Variants in LDB2 observed in about 807,000 individuals in gnomAD.
LDB2 encodes LIM domain-binding protein 2.
In LDB2, 12 loss-of-function variants were observed where a neutral mutation model predicts 44.3. The observed-to-expected ratio is 0.27, with a 90% CI of 0.17 to 0.44. LDB2 has a LOEUF of 0.44. Ranked by LOEUF, LDB2 falls within the 20% of genes least tolerant of loss-of-function variation. The pLI is 1.00. For missense variants in LDB2, 344 were observed against 473.5 expected, an observed-to-expected ratio of 0.73 and a Z score of 2.54; for synonymous variants, 164 against 174.8, an observed-to-expected ratio of 0.94 and a Z score of 0.49.
intron 2 of LDB2, among the ~76,000 whole-genome samples, chr4:16,660,929 G>C (rs931069663): frequency 6.6e-6 from 1 of 152,158 alleles, no homozygotes; most frequent in Admixed American, 6.6e-5. Context: ...CAGGAATATA[G>C]GCATTGTCCT....
At chr4:16,785,916 T>C (rs1261639235) in intron 1 of LDB2, among the ~76,000 whole-genome samples, 6 of 152,086 alleles carry the variant, frequency 3.9e-5, no homozygotes, top group Non-Finnish European at 7.4e-5. Flanking sequence ...CCTCCTTAAG[T>C]TTTGAAAGCA....
At chr4:16,628,785 GA>G (rs1409023785) in intron 2 of LDB2, among the ~76,000 whole-genome samples, 7 of 152,294 alleles carry the variant, frequency 4.6e-5, no homozygotes, top group Admixed American at 1.3e-4. Flanking sequence ...AGGGTGAGCC[GA>G]AGAAGGGTGG....
At chr4:16,829,142 A>G (rs992027365) in intron 1 of LDB2, among the ~76,000 whole-genome samples, 12 of 152,192 alleles carry the variant, frequency 7.9e-5, no homozygotes, top group Non-Finnish European at 1.8e-4. Context: ...CTCTGGAGAA[A>G]TGAAAAGGAT....
At chr4:16,790,103 A>G (rs1473851747) in intron 1 of LDB2, among the ~76,000 whole-genome samples, 1 of 152,158 alleles carries the variant, frequency 6.6e-6, no homozygotes, top group African/African-American at 2.4e-5. Flanking sequence ...TACAATGAAT[A>G]ACAGTAGCCA....
chr4:16,548,041 C>T (rs1736376968), intron 5 of LDB2, among the ~76,000 whole-genome samples: 1 of 151,928 alleles, frequency 6.6e-6, no homozygotes, highest in South Asian at 2.1e-4. Context: ...TCACTGCAAC[C>T]TCTGCCTCCC....
intron 1 of LDB2, among the ~76,000 whole-genome samples, chr4:16,792,668 G>A (rs1776006298): frequency 6.6e-6 from 1 of 152,166 alleles, no homozygotes; most frequent in Admixed American, 6.5e-5. Flanking sequence ...AATCTGGACA[G>A]ATAAATGTGA....
chr4:16,727,518 C>T (rs1045903820), intron 2 of LDB2, among the ~76,000 whole-genome samples: 36 of 152,150 alleles, frequency 2.4e-4, no homozygotes, highest in African/African-American at 8.0e-4. Context: ...GCAGTTGAAA[C>T]GCATCTCTGA....
At chr4:16,776,081 C>T (rs1056111722) in intron 1 of LDB2, among the ~76,000 whole-genome samples, 9 of 152,204 alleles carry the variant, frequency 5.9e-5, no homozygotes, top group East Asian at 1.9e-4. Context: ...CAGAACTTTT[C>T]GCTTTCCCCC....
chr4:16,813,867 C>A, intron 1 of LDB2, among the ~76,000 whole-genome samples: 1 of 150,338 alleles, frequency 6.7e-6, no homozygotes, highest in East Asian at 2.0e-4. Flanking sequence ...ATTTTCTTTT[C>A]TTTTCTTTTC....
chr4:16,738,162 C>T (rs566680224), intron 2 of LDB2, among the ~76,000 whole-genome samples: 1 of 152,284 alleles, frequency 6.6e-6, no homozygotes, highest in South Asian at 2.1e-4. Flanking sequence ...AAGATATCAA[C>T]ACCTGATGTG....
chr4:16,588,724 T>G lies in LDB2; in HGVS notation c.517A>C (p.Ile173Leu). The G allele has an allele frequency of 6.2e-7, 1 of 1,613,856 alleles. No individual in the cohort carries two copies. The highest frequency in any genetic ancestry group is 8.5e-7 in the Non-Finnish European group (1 of 1,179,872). ...RQYRELVPRSILAMHAQDPQV... is the reference protein window; with the variant it reads ...RQYRELVPRSLLAMHAQDPQV... Reference sequence around the variant, plus strand: ...AAATTACTTACATGCATGGCTAGGATGCTTCTCGGGACTAACTCTCGGTAT... The same window carrying G: ...AAATTACTTACATGCATGGCTAGGAGGCTTCTCGGGACTAACTCTCGGTAT... The change falls in exon 4 of 8, where the codon ATC becomes CTC. Residue 173 changes from isoleucine to leucine, a missense_variant. Ile to Leu is a conservative substitution (Grantham distance 5, BLOSUM62 2). Around this residue, in one of 3 missense-constraint regions of LDB2, gnomAD observed 226 missense variants for 270.1 expected, o/e 0.84. Coordinates refer to ENST00000304523, the MANE Select transcript of LDB2 (RefSeq NM_001290.5).
intron 5 of LDB2, among the ~76,000 whole-genome samples, chr4:16,515,397 C>T (rs1379991342): frequency 6.6e-6 from 1 of 152,190 alleles, no homozygotes; most frequent in East Asian, 1.9e-4. Flanking sequence ...TGTCACAAAC[C>T]TGCACATGTA....
At chr4:16,570,909 A>G (rs1377075608) in intron 5 of LDB2, among the ~76,000 whole-genome samples, 1 of 152,180 alleles carries the variant, frequency 6.6e-6, no homozygotes, top group Non-Finnish European at 1.5e-5. Flanking sequence ...GGCTATTATT[A>G]TCCCTGTTTT....
At chr4:16,514,056 T>C (rs1430838340) in intron 5 of LDB2, among the ~76,000 whole-genome samples, 1 of 152,188 alleles carries the variant, frequency 6.6e-6, no homozygotes, top group Non-Finnish European at 1.5e-5. Context: ...AAGAAGAATC[T>C]GAACAGACAG....
At chr4:16,828,740 G>C (rs554660829) in intron 1 of LDB2, among the ~76,000 whole-genome samples, 2 of 152,184 alleles carry the variant, frequency 1.3e-5, no homozygotes, top group South Asian at 4.1e-4. Flanking sequence ...AAATGATAGA[G>C]AAGTAACAGA....
chr4:16,628,173 C>T (rs1471898034), intron 2 of LDB2, among the ~76,000 whole-genome samples: 3 of 152,192 alleles, frequency 2.0e-5, no homozygotes, highest in Non-Finnish European at 4.4e-5. Flanking sequence ...CTTTTAACTT[C>T]TAAACGCTTG....
intron 5 of LDB2, among the ~76,000 whole-genome samples, chr4:16,573,343 G>A (rs904791311): frequency 3.3e-5 from 5 of 152,074 alleles, no homozygotes; most frequent in Non-Finnish European, 5.9e-5. Flanking sequence ...CCTGTGACAC[G>A]TGCTCCTCCA....
At chr4:16,738,232 A>T (rs990518844) in intron 2 of LDB2, among the ~76,000 whole-genome samples, 1 of 152,198 alleles carries the variant, frequency 6.6e-6, no homozygotes, top group African/African-American at 2.4e-5. Flanking sequence ...CAGTAAAACA[A>T]AGTTTAGAAA....
In LDB2 at chr4:16,595,971, T is replaced by C. The variant is rs1202732553; in HGVS notation, c.236-96A>G. On this transcript the variant is annotated intron_variant, in intron 2 of 7. Transcript: ENST00000304523. ...TGCCAAACCTCCTAAAACCGGATAC[T>C]GATCATCTCAAGAAACCATACCAGG... is the stretch of plus-strand genomic sequence containing the variant. 2.4e-6 allele frequency: 3 copies of C among 1,248,594 alleles called. No homozygotes were observed. In the East Asian group the frequency reaches 7.6e-5, roughly 32 times the overall value. 77.3% of individuals were successfully genotyped at this position (1,248,594 alleles called of 1,614,324 possible).
Sources: allele counts gnomAD v4.1 joint callset (sites outside exome capture counted in the v4.1 genomes callset), GRCh38; gene constraint gnomAD v4.1.1; regional missense constraint gnomAD v4.1.1; transcripts MANE v1.5; gene names NCBI Gene and HGNC (gene_info 2026-07-23, HGNC 2026-07-21).